Variants in NLGN4Y observed in about 807,000 individuals in gnomAD.
The protein encoded by NLGN4Y is neuroligin-4, Y-linked.
A neutral mutation model predicts 8.4 loss-of-function variants in NLGN4Y; 4 were observed. The observed-to-expected ratio is 0.48, with a 90% confidence interval of 0.23 to 1.09. NLGN4Y has a LOEUF of 1.09. NLGN4Y is among the 50% of genes least tolerant of loss of function. The pLI, the probability that NLGN4Y is intolerant of heterozygous loss-of-function variation, is 0.19. For synonymous variants in NLGN4Y, 35 were observed against 75.6 expected (o/e 0.46, Z 2.78); for missense variants, 90 against 192.3 (o/e 0.47, Z 3.15).
At position 14,601,278 on chromosome Y, in the gene NLGN4Y, G is replaced by T. The variant is rs771088079; in HGVS notation, c.-111-20731G>T. Among the ~76,000 whole-genome samples, 18 of 29,276 alleles carry T rather than the reference G, an allele frequency of 6.1e-4. No individual in the cohort carries two copies. The South Asian group carries it at 0.013, about 21-fold the overall frequency. 78.5% of individuals were successfully genotyped at this position (29,276 alleles called of 37,273 possible). A position where few individuals can be genotyped will look rare whatever the true frequency, so the allele number is the denominator to read the frequency against. On this transcript the variant is annotated intron_variant, in intron 1 of 6. Coordinates refer to ENST00000684976, the MANE Select transcript of NLGN4Y (RefSeq NM_001365588.1). The stretch of plus-strand genomic sequence containing the variant: ...CACCTCGCCCACCTAATTTTTGGTG[G>T]TTTTTTTTTGTAGACACAGGGTTTC...
At chrY:14,756,948 G>A in intron 4 of NLGN4Y, among the ~76,000 whole-genome samples, 1 of 16,742 alleles carries the variant, frequency 6.0e-5, no homozygotes, top group East Asian at 1.3e-3. Context: ...ATACCTTTAA[G>A]ATAGTTTTGC....
chrY:14,668,838 AG>A (rs2080700627), intron 2 of NLGN4Y, among the ~76,000 whole-genome samples: 1 of 32,362 alleles, frequency 3.1e-5, no homozygotes, highest in East Asian at 8.1e-4. Context: ...GACCGAGCCA[AG>A]GGGGAAGTGC....
chrY:14,706,998 T>C, intron 2 of NLGN4Y, among the ~76,000 whole-genome samples: 1 of 19,394 alleles, frequency 5.2e-5, no homozygotes, highest in South Asian at 1.3e-3. Flanking sequence ...CATATACACA[T>C]ATGTGTATAT....
chrY:14,551,369 A>G, intron 1 of NLGN4Y, among the ~76,000 whole-genome samples: 1 of 33,278 alleles, frequency 3.0e-5, no homozygotes, highest in Non-Finnish European at 7.4e-5. Flanking sequence ...TCAATATTAG[A>G]CAGATCAATG....
At chrY:14,818,409 C>A in intron 4 of NLGN4Y, among the ~76,000 whole-genome samples, 14 of 33,546 alleles carry the variant, frequency 4.2e-4, no homozygotes, top group African/African-American at 1.4e-3. Flanking sequence ...GGTAATGGAC[C>A]TTCAGAGCAG....
intron 4 of NLGN4Y, among the ~76,000 whole-genome samples, chrY:14,786,643 A>T: frequency 3.1e-5 from 1 of 32,415 alleles, no homozygotes; most frequent in Non-Finnish European, 7.5e-5. Flanking sequence ...TTATCCTTAC[A>T]ATCTTCTATA....
chrY:14,759,008 G>T, intron 4 of NLGN4Y, among the ~76,000 whole-genome samples: 1 of 33,550 alleles, frequency 3.0e-5, no homozygotes, highest in African/African-American at 1.2e-4. Context: ...TCTGATTTCC[G>T]CTGATATCCA....
chrY:14,607,143 ATAT>A (rs2080449522), intron 1 of NLGN4Y, among the ~76,000 whole-genome samples: 1 of 32,823 alleles, frequency 3.0e-5, no homozygotes. Flanking sequence ...AGAAATATTG[ATAT>A]TATTAATATC....
chrY:14,793,383 C>T, intron 4 of NLGN4Y, among the ~76,000 whole-genome samples: 1 of 33,411 alleles, frequency 3.0e-5, no homozygotes, highest in African/African-American at 1.2e-4. Flanking sequence ...TCCCCCACAT[C>T]TTCATCCCTC....
chrY:14,666,132 T>C, intron 2 of NLGN4Y, among the ~76,000 whole-genome samples: 1 of 33,709 alleles, frequency 3.0e-5, no homozygotes, highest in Non-Finnish European at 7.4e-5. Flanking sequence ...AGACCAGTGT[T>C]GTGATCATAG....
intron 1 of NLGN4Y, among the ~76,000 whole-genome samples, chrY:14,581,377 C>A (rs17307315): frequency 3.1e-5 from 1 of 31,926 alleles, no homozygotes; most frequent in Non-Finnish European, 7.6e-5. Context: ...AAACCTAAAA[C>A]CCCTAAAAGG....
intron 1 of NLGN4Y, among the ~76,000 whole-genome samples, chrY:14,593,239 C>T (rs2080380247): frequency 8.9e-5 from 3 of 33,651 alleles, no homozygotes; most frequent in African/African-American, 2.3e-4. Context: ...GTATTGAAAT[C>T]CCTTTGACTT....
At chrY:14,816,484 G>A in intron 4 of NLGN4Y, among the ~76,000 whole-genome samples, 1 of 34,289 alleles carries the variant, frequency 2.9e-5, no homozygotes, top group African/African-American at 1.1e-4. Flanking sequence ...CAGAAGTTAG[G>A]AACTCCCTTT....
chrY:14,535,256 C>T (rs2080127807), intron 1 of NLGN4Y, among the ~76,000 whole-genome samples: 1 of 33,403 alleles, frequency 3.0e-5, no homozygotes, highest in Non-Finnish European at 7.4e-5. Flanking sequence ...TGATGTGGAA[C>T]AGATAGACTT....
intron 2 of NLGN4Y, among the ~76,000 whole-genome samples, chrY:14,637,845 G>GT (rs1218191228): frequency 3.4e-3 from 73 of 21,200 alleles, no homozygotes; most frequent in East Asian, 0.013. Flanking sequence ...GGTTGCCTAT[G>GT]TTTTTTTTTT....
At chrY:14,565,880 A>G (rs771811143) in intron 1 of NLGN4Y, among the ~76,000 whole-genome samples, 1 of 33,620 alleles carries the variant, frequency 3.0e-5, no homozygotes, top group East Asian at 7.9e-4. Context: ...ACATTCTTAA[A>G]GGAAAGAATT....
intron 5 of NLGN4Y, among the ~76,000 whole-genome samples, chrY:14,827,783 AATAAAG>A (rs2043154649): frequency 3.0e-5 from 1 of 33,040 alleles, no homozygotes; most frequent in Admixed American, 2.8e-4. Context: ...CTCTGTCTGA[AATAAAG>A]ATAAAGATAA....
intron 2 of NLGN4Y, among the ~76,000 whole-genome samples, chrY:14,693,373 G>A: frequency 6.1e-5 from 2 of 32,853 alleles, no homozygotes; most frequent in Non-Finnish European, 1.5e-4. Flanking sequence ...GGTTTTATCT[G>A]GCACAGAATT....
intron 4 of NLGN4Y, among the ~76,000 whole-genome samples, chrY:14,813,321 G>C: frequency 3.0e-5 from 1 of 33,488 alleles, no homozygotes; most frequent in East Asian, 7.8e-4. Context: ...GAGCTGATTA[G>C]TCAAGATAGA....
Sources: allele counts gnomAD v4.1 joint callset (sites outside exome capture counted in the v4.1 genomes callset), GRCh38; gene constraint gnomAD v4.1.1; transcripts MANE v1.5; gene names NCBI Gene and HGNC (gene_info 2026-07-23, HGNC 2026-07-21).